EXT1: variants seen among roughly 807,000 people sequenced by gnomAD.
The protein encoded by EXT1 is exostosin-1.
In EXT1, 20 loss-of-function variants were observed where a neutral mutation model predicts 82.5. The observed-to-expected ratio is 0.24, with a 90% confidence interval of 0.17 to 0.35. The LOEUF (loss-of-function observed/expected upper bound fraction) is 0.35. Ranked by LOEUF, EXT1 falls within the 10% of genes least tolerant of loss-of-function variation. The pLI is 1.00. For missense variants in EXT1, 757 were observed against 936.5 expected, an observed-to-expected ratio of 0.81 and a Z score of 2.50; for synonymous variants, 348 against 350.8, an observed-to-expected ratio of 0.99 and a Z score of 0.09.
At chr8:117,801,089 GAGA>G (rs1823160619) in intron 10 of EXT1, among the ~76,000 whole-genome samples, 1 of 152,250 alleles carries the variant, frequency 6.6e-6, no homozygotes, top group African/African-American at 2.4e-5. Context: ...ATTTTAGTGT[GAGA>G]AGCAGTAAGA....
intron 1 of EXT1, among the ~76,000 whole-genome samples, chr8:117,904,663 G>T (rs1352901460): frequency 6.6e-6 from 1 of 152,048 alleles, no homozygotes; most frequent in Non-Finnish European, 1.5e-5. Context: ...CCCAGAAGAG[G>T]GGTACACCTC....
intron 1 of EXT1, among the ~76,000 whole-genome samples, chr8:118,029,209 G>A (rs938099515): frequency 5.1e-4 from 77 of 152,176 alleles, no homozygotes; most frequent in African/African-American, 1.7e-3. Context: ...CGGGAGGATC[G>A]CTTGAAGCCA....
In EXT1 at chr8:117,862,440, C is replaced by T. The variant is rs185060341; in HGVS notation, c.963-25239G>A. Among the ~76,000 whole-genome samples, 99 of 145,710 alleles carry T rather than the reference C, an allele frequency of 6.8e-4. 14 individuals are homozygous for T. The highest frequency in any genetic ancestry group is 9.1e-4 in the Admixed American group (13 of 14,358). ...CATTCCTATGACAATGTAAATAAAA[C>T]GGGTGGAGACTGGTGGGATTAGGAG... On this transcript the variant is annotated intron_variant, in intron 1 of 10. Coordinates refer to ENST00000378204, the MANE Select transcript of EXT1 (RefSeq NM_000127.3).
intron 1 of EXT1, among the ~76,000 whole-genome samples, chr8:117,986,191 T>TC (rs79744768): frequency 0.71 from 104,217 of 147,822 alleles, 36,957 homozygotes; most frequent in African/African-American, 0.82. Context: ...TCTTTTCTTT[T>TC]TTTTTTTTTT....
chr8:118,063,579 G>A (rs1816921467), intron 1 of EXT1, among the ~76,000 whole-genome samples: 2 of 152,326 alleles, frequency 1.3e-5, no homozygotes, highest in South Asian at 4.1e-4. Context: ...GCTCTTGTTA[G>A]TCTTGAAAAT....
At chr8:117,834,050 T>C (rs1812144765) in intron 3 of EXT1, among the ~76,000 whole-genome samples, 1 of 152,186 alleles carries the variant, frequency 6.6e-6, no homozygotes. Flanking sequence ...AGAAATTAAG[T>C]TGTATTCAGG....
intron 1 of EXT1, among the ~76,000 whole-genome samples, chr8:117,930,704 G>C (rs1254455885): frequency 6.6e-6 from 1 of 152,218 alleles, no homozygotes; most frequent in African/African-American, 2.4e-5. Flanking sequence ...ACTCCATCTT[G>C]AGTAGGGGCT....
intron 1 of EXT1, among the ~76,000 whole-genome samples, chr8:118,067,799 G>A (rs1474411751): frequency 6.6e-6 from 1 of 152,170 alleles, no homozygotes; most frequent in African/African-American, 2.4e-5. Flanking sequence ...TTTTAGCTTG[G>A]TGACATTTGT....
chr8:118,016,091 G>A (rs1371271866), intron 1 of EXT1, among the ~76,000 whole-genome samples: 1 of 152,174 alleles, frequency 6.6e-6, no homozygotes, highest in Admixed American at 6.5e-5. Context: ...ATAGATTTTT[G>A]TTGTTTAAAG....
intron 1 of EXT1, among the ~76,000 whole-genome samples, chr8:118,023,963 A>G (rs1252866248): frequency 6.6e-6 from 1 of 152,226 alleles, no homozygotes; most frequent in Non-Finnish European, 1.5e-5. Flanking sequence ...CATGCTGGGA[A>G]TACAAAGATG....
chr8:117,833,834 G>C (rs750732983), intron 3 of EXT1, among the ~76,000 whole-genome samples: 1 of 152,064 alleles, frequency 6.6e-6, no homozygotes, highest in African/African-American at 2.4e-5. Flanking sequence ...AAGAAAAAAG[G>C]CTACATGGAC....
intron 1 of EXT1, among the ~76,000 whole-genome samples, chr8:118,026,887 G>A (rs942652157): frequency 3.3e-5 from 5 of 152,160 alleles, no homozygotes; most frequent in Non-Finnish European, 5.9e-5. Context: ...AGTCTTCTCA[G>A]GCATCAGATT....
At chr8:117,914,185 GGCAGA>G (rs1813703733) in intron 1 of EXT1, among the ~76,000 whole-genome samples, 1 of 151,408 alleles carries the variant, frequency 6.6e-6, no homozygotes, top group Non-Finnish European at 1.5e-5. Context: ...CTGGAGCCTC[GGCAGA>G]GGAACATAAA....
intron 8 of EXT1, 61 bp downstream of exon 8, chr8:117,812,811 G>T: frequency 2.1e-6 from 3 of 1,417,560 alleles, no homozygotes; most frequent in Non-Finnish European, 3.0e-6. Flanking sequence ...CATTAGCATC[G>T]TGCAACATGA....
chr8:118,089,129 T>A (rs1817479114), intron 1 of EXT1, among the ~76,000 whole-genome samples: 1 of 152,138 alleles, frequency 6.6e-6, no homozygotes, highest in Admixed American at 6.5e-5. Flanking sequence ...TATCATAAGG[T>A]TTTTTTATAG....
intron 1 of EXT1, among the ~76,000 whole-genome samples, chr8:118,078,457 C>T (rs1817250125): frequency 6.6e-6 from 1 of 151,986 alleles, no homozygotes; most frequent in African/African-American, 2.4e-5. Context: ...CTCAGCCTCC[C>T]AGAGTGTTGA....
At chr8:118,100,410 C>T (rs1378891992) in intron 1 of EXT1, among the ~76,000 whole-genome samples, 1 of 152,176 alleles carries the variant, frequency 6.6e-6, no homozygotes, top group Non-Finnish European at 1.5e-5. Context: ...GCTCCACTCA[C>T]ACACGGTGTC....
intron 1 of EXT1, among the ~76,000 whole-genome samples, chr8:117,973,958 G>A (rs1321402061): frequency 6.7e-6 from 1 of 149,914 alleles, no homozygotes; most frequent in African/African-American, 2.5e-5. Flanking sequence ...AGGAAGGAAG[G>A]AAGGAAGGAA....
intron 1 of EXT1, among the ~76,000 whole-genome samples, chr8:117,933,300 G>T (rs1192172921): frequency 1.3e-5 from 2 of 149,260 alleles, no homozygotes; most frequent in Non-Finnish European, 3.0e-5. Context: ...AGGCTGGAGT[G>T]CAGTGGCGCC....
Sources: gnomAD v4.1 joint callset for allele counts (sites outside exome capture counted in the v4.1 genomes callset) on GRCh38, gnomAD v4.1.1 for gene constraint, MANE v1.5 for transcripts, NCBI Gene and HGNC (gene_info 2026-07-23, HGNC 2026-07-21) for gene names.